Variants in SLC1A2 observed in about 807,000 individuals in gnomAD.
SLC1A2 encodes the protein excitatory amino acid transporter 2.
SLC1A2 carries 15 observed loss-of-function variants against 48.8 expected under a neutral mutation model. That is an observed-to-expected ratio of 0.31 (90% CI 0.21 to 0.47). The LOEUF (loss-of-function observed/expected upper bound fraction) is 0.47, where lower values mean the gene tolerates loss of function less well. SLC1A2 is among the 20% of genes least tolerant of loss of function. The pLI is 0.99. For missense variants in SLC1A2, 502 were observed against 730.5 expected, an observed-to-expected ratio of 0.69 and a Z score of 3.61; for synonymous variants, 279 against 272.6, an observed-to-expected ratio of 1.02 and a Z score of -0.23.
At chr11:35,349,461 A>G (rs114855522) in intron 1 of SLC1A2, among the ~76,000 whole-genome samples, 1,861 of 152,234 alleles carry the variant, frequency 0.012, 37 homozygotes, top group African/African-American at 0.043. Flanking sequence ...TGATGTGTAC[A>G]TCTTATGAAC....
chr11:35,305,629 C>T (rs1178527461), intron 5 of SLC1A2, among the ~76,000 whole-genome samples: 2 of 152,210 alleles, frequency 1.3e-5, no homozygotes. Flanking sequence ...CTTTACAATC[C>T]TGGTAGCATT....
In SLC1A2 at chr11:35,312,264, C is replaced by G; in HGVS notation, c.495G>C (p.Leu165=). 6.2e-7 allele frequency: 1 copy of G among 1,614,086 alleles called. No individual in the cohort carries two copies. The highest frequency in any genetic ancestry group is 8.5e-7 in the Non-Finnish European group (1 of 1,179,966). The change falls in exon 4 of 11, where the codon CTG becomes CTC. Residue 165 remains leucine (L), a synonymous_variant. Transcript: ENST00000278379. The part of the protein sequence containing the change: ...PGKKNDEVSS[L]DAFLDLIRNL... ...TTCGAATAAGGTCCAGGAAGGCATC[C>G]AGGCTGGACACTTCATCATTCTTCT...
intron 1 of SLC1A2, among the ~76,000 whole-genome samples, chr11:35,358,523 C>T (rs1198644358): frequency 6.6e-6 from 1 of 152,216 alleles, no homozygotes; most frequent in Non-Finnish European, 1.5e-5. Context: ...ATCATCCACA[C>T]TGCCAAGCAA....
chr11:35,265,264 T>A, intron 10 of SLC1A2: 4 of 538,924 alleles, frequency 7.4e-6, no homozygotes, highest in Non-Finnish European at 1.3e-5. Context: ...ATGGGGTAGA[T>A]AGGGGAACCC....
chr11:35,416,468 C>T (rs923707154), intron 1 of SLC1A2, among the ~76,000 whole-genome samples: 2 of 152,264 alleles, frequency 1.3e-5, no homozygotes, highest in South Asian at 2.1e-4. Context: ...CACGAATGAG[C>T]TTTGAAAGTG....
At chr11:35,310,682 G>A (rs1394870878) in intron 4 of SLC1A2, among the ~76,000 whole-genome samples, 1 of 152,164 alleles carries the variant, frequency 6.6e-6, no homozygotes, top group Non-Finnish European at 1.5e-5. Context: ...TAGACTGCTT[G>A]GTTTTAGCTT....
At chr11:35,261,993 A>T (rs1039382068) in intron 10 of SLC1A2, 1 of 349,766 alleles carries the variant, frequency 2.9e-6, no homozygotes, top group Non-Finnish European at 5.1e-6. Context: ...ACTGCTCCAC[A>T]TGCAGTTATT....
intron 1 of SLC1A2, among the ~76,000 whole-genome samples, chr11:35,339,372 G>A (rs7934506): frequency 0.026 from 3,918 of 152,266 alleles, 157 homozygotes; most frequent in African/African-American, 0.089. Context: ...GGAACTATCC[G>A]TTCCACAGGG....
At chr11:35,307,663 T>C (rs1851555627) in intron 4 of SLC1A2, among the ~76,000 whole-genome samples, 1 of 152,234 alleles carries the variant, frequency 6.6e-6, no homozygotes, top group Non-Finnish European at 1.5e-5. Context: ...CATGGAGTTA[T>C]GGGCAGAACT....
chr11:35,373,657 C>T lies in SLC1A2; in HGVS notation c.17+45293G>A, dbSNP rs972900282. Among the ~76,000 whole-genome samples the T allele has an allele frequency of 7.9e-5, 12 of 152,280 alleles. No individual in the cohort carries two copies. The East Asian group carries it at 1.9e-3, about 24-fold the overall frequency. On this transcript the variant is annotated intron_variant, in intron 1 of 10. Coordinates refer to ENST00000278379, the MANE Select transcript of SLC1A2 (RefSeq NM_004171.4). ...GCAACAAGGTGAGGGGCTGTGGGTG[C>T]CCCATCTGCTGGGCAGGAAGTGGTA...
At chr11:35,417,675 C>G (rs969012677) in intron 1 of SLC1A2, among the ~76,000 whole-genome samples, 20 of 152,090 alleles carry the variant, frequency 1.3e-4, no homozygotes, top group Non-Finnish European at 2.9e-5. Context: ...CAAAATAGGG[C>G]AAAGGGAGAG....
chr11:35,398,655 G>A (rs1855046709), intron 1 of SLC1A2, among the ~76,000 whole-genome samples: 1 of 152,242 alleles, frequency 6.6e-6, no homozygotes, highest in East Asian at 1.9e-4. Flanking sequence ...GTACCCCTTG[G>A]ACCTAAAATA....
chr11:35,334,958 CTT>C (rs1285957976), intron 1 of SLC1A2, among the ~76,000 whole-genome samples: 6 of 152,290 alleles, frequency 3.9e-5, no homozygotes, highest in Admixed American at 1.3e-4. Flanking sequence ...AGTTAAGTAA[CTT>C]TTCCATTGTC....
chr11:35,365,257 C>A (rs1221367960), intron 1 of SLC1A2, among the ~76,000 whole-genome samples: 1 of 152,158 alleles, frequency 6.6e-6, no homozygotes, highest in Non-Finnish European at 1.5e-5. Context: ...GTATCCATGC[C>A]ATTTGGGCAA....
intron 1 of SLC1A2, among the ~76,000 whole-genome samples, chr11:35,336,022 T>C (rs1040163609): frequency 3.3e-5 from 5 of 152,270 alleles, no homozygotes; most frequent in African/African-American, 1.2e-4. Flanking sequence ...CAGAGGGACA[T>C]GAATTGAGCT....
At position 35,386,178 on chromosome 11, in the gene SLC1A2, T is replaced by A. The variant is rs541896646; in HGVS notation, c.17+32772A>T. ...AAGACTCCATCTCAAAAAAATAAAATAAATAAAATAAAATAAAATAAAAAT... is the reference window on the plus strand; with the variant it reads ...AAGACTCCATCTCAAAAAAATAAAAAAAATAAAATAAAATAAAATAAAAAT... On this transcript the variant is annotated intron_variant, in intron 1 of 10. Coordinates refer to ENST00000278379, the MANE Select transcript of SLC1A2 (RefSeq NM_004171.4). 2.4e-3 allele frequency among the ~76,000 whole-genome samples: 366 copies of A among 152,064 alleles called. 1 individual carries two copies. Among genetic ancestry groups the A allele is most frequent in the African/African-American group, 8.4e-3 (350 of 41,492 alleles).
At chr11:35,315,518 G>T in intron 2 of SLC1A2, 1 of 200,352 alleles carries the variant, frequency 5.0e-6, no homozygotes, top group South Asian at 9.3e-5. Flanking sequence ...AAGGGGCTGG[G>T]CACAGTGGCT....
rs531034200 is a variant in SLC1A2, at chr11:35,273,365, G to C, written c.1421+7502C>G. On this transcript the variant is annotated intron_variant, in intron 9 of 10. Coordinates refer to ENST00000278379, the MANE Select transcript of SLC1A2 (RefSeq NM_004171.4). ...GAGCGTGAAGTCCGGATACCAGCCTGGATGACACTCCCAGCTCAAGCATTA... is the reference window on the plus strand; with the variant it reads ...GAGCGTGAAGTCCGGATACCAGCCTCGATGACACTCCCAGCTCAAGCATTA... Among the ~76,000 whole-genome samples the C allele has an allele frequency of 2.6e-5, 4 of 152,176 alleles. No homozygotes were observed. The East Asian group carries it at 7.7e-4, about 29-fold the overall frequency.
chr11:35,269,845 C>T (rs1176155930), intron 9 of SLC1A2, among the ~76,000 whole-genome samples: 1 of 152,216 alleles, frequency 6.6e-6, no homozygotes, highest in East Asian at 1.9e-4. Context: ...TGCAGTGGCT[C>T]ACGCCTGCAA....
Sources: allele counts gnomAD v4.1 joint callset (sites outside exome capture counted in the v4.1 genomes callset), GRCh38; gene constraint gnomAD v4.1.1; transcripts MANE v1.5; gene names NCBI Gene and HGNC (gene_info 2026-07-23, HGNC 2026-07-21).